MDN1: variants seen among roughly 807,000 people sequenced by gnomAD.
MDN1 encodes midasin AAA ATPase 1, also known as midasin.
MDN1 carries 266 observed loss-of-function variants against 669.2 expected under a neutral mutation model. That is an observed-to-expected ratio of 0.40 (90% CI 0.36 to 0.44). The LOEUF is 0.44. MDN1 is among the 20% of genes least tolerant of loss of function. The pLI is 1.00. For missense variants in MDN1, 5,940 were observed against 6,754.0 expected, an observed-to-expected ratio of 0.88 and a Z score of 4.22; for synonymous variants, 2,385 against 2,457.1, an observed-to-expected ratio of 0.97 and a Z score of 0.87.
chr6:89,728,617 C>G (rs548987420), intron 36 of MDN1, among the ~76,000 whole-genome samples: 112 of 152,116 alleles, frequency 7.4e-4, no homozygotes, highest in African/African-American at 2.3e-3. Context: ...GATCACTTGA[C>G]ATAAGGAGTT....
At chr6:89,727,738 C>T (rs1815329747) in intron 37 of MDN1, 95 bp downstream of exon 37, 2 of 1,591,542 alleles carry the variant, frequency 1.3e-6, no homozygotes, top group Non-Finnish European at 1.7e-6. Flanking sequence ...GCGGGATCTT[C>T]CACTGAGAAA....
chr6:89,702,659 G>A (rs1006612251), intron 53 of MDN1, among the ~76,000 whole-genome samples: 1 of 152,148 alleles, frequency 6.6e-6, no homozygotes, highest in African/African-American at 2.4e-5. Flanking sequence ...CTAGTTTATG[G>A]AATTTATGTG....
intron 40 of MDN1, among the ~76,000 whole-genome samples, chr6:89,722,753 A>G (rs1160716035): frequency 6.6e-6 from 1 of 151,962 alleles, no homozygotes; most frequent in African/African-American, 2.4e-5. Context: ...AGGCTAAGGC[A>G]GGAGAATCAC....
At chr6:89,803,584 C>CAT in intron 1 of MDN1, 30 bp from the exon 2 acceptor site, 1 of 1,287,406 alleles carries the variant, frequency 7.8e-7, no homozygotes, top group South Asian at 1.3e-5. Flanking sequence ...ACATCTTTCA[C>CAT]TTTTTTTTTT....
At chr6:89,724,048 C>G (rs974160479) in intron 38 of MDN1, among the ~76,000 whole-genome samples, 1 of 151,712 alleles carries the variant, frequency 6.6e-6, no homozygotes, top group Non-Finnish European at 1.5e-5. Flanking sequence ...GAGGCTGAGG[C>G]AGGAGAATTG....
At chr6:89,697,885 A>G (rs1266512410) in intron 59 of MDN1, among the ~76,000 whole-genome samples, 2 of 152,282 alleles carry the variant, frequency 1.3e-5, no homozygotes, top group East Asian at 3.9e-4. Flanking sequence ...CCTGACCAAC[A>G]CAATTTTTTT....
At chr6:89,648,196 A>G (rs1375884538) in intron 98 of MDN1, 50 bp from the exon 99 acceptor site, 4 of 1,607,882 alleles carry the variant, frequency 2.5e-6, no homozygotes, top group South Asian at 2.2e-5. Flanking sequence ...TGGCTGTGTG[A>G]TCAAAATAAC....
At chr6:89,743,463 C>T in intron 30 of MDN1, 113 bp downstream of exon 30, 1 of 1,366,950 alleles carries the variant, frequency 7.3e-7, no homozygotes, top group Non-Finnish European at 1.0e-6. Flanking sequence ...AGAAAATCTG[C>T]AGATATGCAC....
chr6:89,706,070 T>C lies in MDN1; in HGVS notation c.8137A>G (p.Ser2713Gly). Residue 2713 changes from serine to glycine, a missense_variant, in exon 53 of 102, where the codon AGT (serine) becomes GGT (glycine). By Grantham distance (56) the Ser-to-Gly change is moderately conservative. This residue lies in a region of MDN1 where 2,292 missense variants were observed against 2,638.3 expected (regional missense o/e 0.87). Transcript: ENST00000369393. ...ATGCAGTTCCTTACCTCATTGGCAC[T>C]GGCATCAGACACCATTCCCTGGGAG... ...QSSQGMVSDASANEILGSLRW... is the reference protein window; with the variant it reads ...QSSQGMVSDAGANEILGSLRW... 1 of 1,603,840 alleles carries C rather than the reference T, an allele frequency of 6.2e-7. No individual in the cohort carries two copies. Among genetic ancestry groups the C allele is most frequent in the Non-Finnish European group, 8.5e-7 (1 of 1,174,406 alleles).
intron 1 of MDN1, among the ~76,000 whole-genome samples, chr6:89,816,548 G>C (rs191672664): frequency 2.2e-4 from 33 of 151,972 alleles, no homozygotes; most frequent in Admixed American, 1.8e-3. Flanking sequence ...AACAAAGCAA[G>C]ATCCTATCTC....
chr6:89,660,844 C>A (rs565078024), intron 88 of MDN1, among the ~76,000 whole-genome samples: 1 of 152,188 alleles, frequency 6.6e-6, no homozygotes, highest in East Asian at 1.9e-4. Flanking sequence ...TAAGCAGCAG[C>A]AGGAATGGGG....
intron 35 of MDN1, among the ~76,000 whole-genome samples, chr6:89,730,226 C>T (rs1198112480): frequency 3.3e-5 from 5 of 152,196 alleles, no homozygotes; most frequent in Non-Finnish European, 7.3e-5. Context: ...TAATCATTCA[C>T]TCATCCATCA....
chr6:89,701,483 C>A, intron 55 of MDN1, 75 bp downstream of exon 55: 2 of 1,545,672 alleles, frequency 1.3e-6, no homozygotes, highest in South Asian at 2.4e-5. Context: ...TATACAATGT[C>A]AGTTCCCAAG....
intron 96 of MDN1, 90 bp downstream of exon 96, chr6:89,650,642 C>T (rs1312676108): frequency 7.3e-6 from 7 of 963,020 alleles, no homozygotes; most frequent in Non-Finnish European, 1.1e-5. Flanking sequence ...GAAGCTGGCA[C>T]TATAAATGGT....
intron 2 of MDN1, among the ~76,000 whole-genome samples, chr6:89,801,275 G>T (rs111648679): frequency 6.6e-6 from 1 of 152,126 alleles, no homozygotes; most frequent in Non-Finnish European, 1.5e-5. Flanking sequence ...TGTAATCCCA[G>T]CACTTTGGGA....
rs746614601 is a variant in MDN1, at chr6:89,683,199, A to G, written c.12035T>C (p.Leu4012Pro). 1.2e-6 allele frequency: 2 copies of G among 1,614,040 alleles called. No individual in the cohort carries two copies. Among genetic ancestry groups the G allele is most frequent in the African/African-American group, 1.3e-5 (1 of 74,902 alleles). ...PRPTDGAASE[L>P]SSIQNLNRAL... is the part of the protein sequence containing the mutation. ...CCTGTTCAGATTCTGAATGGAAGACAGTTCACTTGCAGCTCCATCTGTTGG... is the reference window on the plus strand; with the variant it reads ...CCTGTTCAGATTCTGAATGGAAGACGGTTCACTTGCAGCTCCATCTGTTGG... The change falls in exon 73 of 102, where the codon CTG (leucine) becomes CCG (proline). Residue 4012 changes from leucine to proline, a missense_variant. Around this residue, in one of 5 missense-constraint regions of MDN1, gnomAD observed 2,280 missense variants for 2,576.3 expected, o/e 0.88. Transcript: ENST00000369393.
In MDN1 at chr6:89,789,890, A is replaced by G. The variant is rs1819159849; in HGVS notation, c.1120T>C (p.Cys374Arg). The G allele has an allele frequency of 1.2e-6, 2 of 1,611,914 alleles. No homozygotes were observed. Among genetic ancestry groups the G allele is most frequent in the African/African-American group, 1.3e-5 (1 of 74,920 alleles). The change falls in exon 7 of 102, where the codon TGC becomes CGC. Residue 374 changes from cysteine to arginine, a missense_variant. By Grantham distance (180) the Cys-to-Arg change is radical. Transcript: ENST00000369393. ...DSKMLLGMYR[C>R]TDVPGEFVWQ... ...ACAAACTCTCCAGGAACATCTGTGC[A>G]GCGATACATCCCCAAAAGCATCTGC...
chr6:89,713,388 C>T (rs1814094957), intron 46 of MDN1, 92 bp from the exon 47 acceptor site: 2 of 1,114,732 alleles, frequency 1.8e-6, no homozygotes, highest in South Asian at 1.5e-5. Flanking sequence ...AAACCTCCTT[C>T]CTGTCAACCC....
chr6:89,809,993 TAAAAAAAAAAAAAAAA>T (rs61558155), intron 1 of MDN1, among the ~76,000 whole-genome samples: 11 of 52,840 alleles, frequency 2.1e-4, no homozygotes, highest in African/African-American at 8.6e-4. Flanking sequence ...TCCGTTTCAC[TAAAAAAAAAAAAAAAA>T]AAAAAAAAAA....
Sources: gnomAD v4.1 joint callset for allele counts (sites outside exome capture counted in the v4.1 genomes callset) on GRCh38, gnomAD v4.1.1 for gene constraint, gnomAD v4.1.1 regional missense constraint, MANE v1.5 for transcripts, NCBI Gene and HGNC (gene_info 2026-07-23, HGNC 2026-07-21) for gene names.